OPN5: variants seen among roughly 807,000 people sequenced by gnomAD.
The protein encoded by OPN5 is opsin-5.
A neutral mutation model predicts 41.7 loss-of-function variants in OPN5; 18 were observed. The ratio of observed to expected loss-of-function variants is 0.43; its 90% CI spans 0.30 to 0.64. The LOEUF (loss-of-function observed/expected upper bound fraction) is 0.64. Ranked by LOEUF, OPN5 falls within the 30% of genes least tolerant of loss-of-function variation. The pLI, the probability that OPN5 is intolerant of heterozygous loss-of-function variation, is 0.13. For missense variants in OPN5, 318 were observed against 434.5 expected (o/e 0.73, Z 2.38); for synonymous variants, 178 against 164.3 (o/e 1.08, Z -0.64).
intron 6 of OPN5, among the ~76,000 whole-genome samples, chr6:47,819,282 C>A (rs1279908978): frequency 2.9e-5 from 4 of 139,248 alleles, no homozygotes; most frequent in Non-Finnish European, 6.1e-5. Flanking sequence ...TGGGTAGTGG[C>A]ATCAATGCCA....
intron 6 of OPN5, among the ~76,000 whole-genome samples, chr6:47,816,965 C>T (rs1762448031): frequency 1.3e-5 from 2 of 152,064 alleles, no homozygotes; most frequent in Admixed American, 6.6e-5. Flanking sequence ...CTCAATATGT[C>T]TGGTCACCAT....
chr6:47,782,154 T>G, exon 1 of OPN5: 1 of 1,613,820 alleles, frequency 6.2e-7, no homozygotes, highest in Non-Finnish European at 8.5e-7. Context: ...CAAACTTTCT[T>G]GGGAAGCGGA....
At chr6:47,819,257 A>G (rs1212192273) in intron 6 of OPN5, among the ~76,000 whole-genome samples, 1 of 148,280 alleles carries the variant, frequency 6.7e-6, no homozygotes, top group African/African-American at 2.5e-5. Context: ...TCACCCCAGG[A>G]CACCCTAAAT....
intron 4 of OPN5, among the ~76,000 whole-genome samples, chr6:47,800,799 T>A (rs1407974593): frequency 6.6e-6 from 1 of 152,238 alleles, no homozygotes; most frequent in Non-Finnish European, 1.5e-5. Flanking sequence ...CTGTTGTAGT[T>A]TTTCTTACTG....
At chr6:47,799,560 A>C (rs184448707) in intron 4 of OPN5, among the ~76,000 whole-genome samples, 1 of 152,192 alleles carries the variant, frequency 6.6e-6, no homozygotes, top group African/African-American at 2.4e-5. Context: ...TGTTGTTCCA[A>C]CTATAAGTCA....
rs1773212316 is a variant in OPN5 at position 47,786,961 on chromosome 6, C to G, written c.250+327C>G. On this transcript the variant is annotated intron_variant, in intron 2 of 6. Transcript: ENST00000371211. ...AGAAATCAGAAATCAGGAGGCAAAT[C>G]CCAGGTCAGTATTTTAAGCTTCTTT... 12 of 560,428 alleles carry G rather than the reference C, an allele frequency of 2.1e-5. No homozygotes were observed. The South Asian group carries it at 7.0e-4, about 33-fold the overall frequency. 34.7% of individuals were successfully genotyped at this position (560,428 alleles called of 1,614,324 possible).
In OPN5 at chr6:47,813,068, AAACAACAACAACAAC is replaced by A. The variant is rs70999651; in HGVS notation, c.1056+1370_1056+1384del. ...TGTTGGAAAACATGCTCTATGATTA[AAACAACAACAACAAC>A]AACAACAACAACAACAACAACAACA... On this transcript the variant is annotated intron_variant, in intron 6 of 6. Transcript: ENST00000371211. Among the ~76,000 whole-genome samples the A allele has an allele frequency of 1.2e-3, 163 of 139,168 alleles. 1 individual carries two copies. The East Asian group carries it at 0.014, about 12-fold the overall frequency. 91.3% of individuals were successfully genotyped at this position (139,168 alleles called of 152,430 possible). A position where few individuals can be genotyped will look rare whatever the true frequency, so the allele number is the denominator to read the frequency against.
chr6:47,814,751 T>C (rs1762378415), intron 6 of OPN5, among the ~76,000 whole-genome samples: 1 of 152,180 alleles, frequency 6.6e-6, no homozygotes, highest in African/African-American at 2.4e-5. Flanking sequence ...CATCTACAAA[T>C]TCAATTTTAG....
At chr6:47,795,962 T>C (rs1211603323) in intron 4 of OPN5, among the ~76,000 whole-genome samples, 1 of 152,232 alleles carries the variant, frequency 6.6e-6, no homozygotes, top group African/African-American at 2.4e-5. Flanking sequence ...CTGCGTTGCA[T>C]GGACTTTGGG....
Position 47,782,103 on chromosome 6 carries a change from C to T in OPN5, c.37C>T (p.Arg13Cys), listed in dbSNP as rs749418598. 5.0e-6 allele frequency: 8 copies of T among 1,613,320 alleles called. 1 individual carries two copies. The South Asian group carries it at 6.6e-5, about 13-fold the overall frequency. Residue 13 changes from arginine (R) to cysteine (C), a missense_variant, in exon 1 of 7, where the codon CGC (arginine) becomes TGC (cysteine). Physicochemically the swap from Arg to Cys is radical, Grantham distance 180. This residue lies in a region of OPN5 where 46 missense variants were observed against 44.0 expected (regional missense o/e 1.05). Transcript: ENST00000371211. ...TCACACTGCCCTGCCTCAGGACGAG[C>T]GCCTGCCCCATTACCTTCGAGATGG...
chr6:47,822,598 G>T (rs973949265), intron 6 of OPN5, among the ~76,000 whole-genome samples: 1 of 152,150 alleles, frequency 6.6e-6, no homozygotes, highest in Non-Finnish European at 1.5e-5. Flanking sequence ...TAGTTGGTTG[G>T]AATTTGTATT....
Position 47,793,338 on chromosome 6 carries a change from G to A in OPN5, c.421+1366G>A, listed in dbSNP as rs184413344. 3.4e-3 allele frequency among the ~76,000 whole-genome samples: 523 copies of A among 152,252 alleles called. 2 individuals are homozygous for A. Among genetic ancestry groups the A allele is most frequent in the Non-Finnish European group, 6.0e-3 (410 of 68,028 alleles). ...ATCATTGCAGGTCATAACTCCATAT[G>A]TGGGAACTGTGTATATTTTCCAGCT... is the stretch of plus-strand genomic sequence containing the variant. On this transcript the variant is annotated intron_variant, in intron 3 of 6. Coordinates refer to ENST00000371211, the Ensembl canonical transcript of OPN5.
chr6:47,819,362 ATTACCG>A (rs1561907316), intron 6 of OPN5, among the ~76,000 whole-genome samples: 90 of 36,972 alleles, frequency 2.4e-3, no homozygotes, highest in Non-Finnish European at 3.0e-3. Context: ...TAAAAAATAT[ATTACCG>A]TATAAGTAGA....
intron 6 of OPN5, among the ~76,000 whole-genome samples, chr6:47,821,513 C>G (rs74704621): frequency 0.055 from 8,312 of 152,216 alleles, 315 homozygotes; most frequent in East Asian, 0.11. Context: ...GGGCAAGAGA[C>G]GGAAAGGATT....
intron 2 of OPN5, among the ~76,000 whole-genome samples, chr6:47,791,492 A>T (rs1266191386): frequency 1.3e-5 from 2 of 152,354 alleles, no homozygotes; most frequent in East Asian, 3.9e-4. Flanking sequence ...CATGTCTGTA[A>T]TTCCTGAAGC....
At chr6:47,823,646 C>A in intron 6 of OPN5, 1 of 420,432 alleles carries the variant, frequency 2.4e-6, no homozygotes, top group Non-Finnish European at 4.3e-6. Context: ...CAAGGCCTTA[C>A]AGGTTAGTCT....
At chr6:47,823,192 C>G (rs1272871731) in intron 6 of OPN5, among the ~76,000 whole-genome samples, 4 of 152,132 alleles carry the variant, frequency 2.6e-5, no homozygotes, top group Non-Finnish European at 4.4e-5. Flanking sequence ...TATACTTAAA[C>G]AGAAAAGGCA....
At chr6:47,787,319 CTTCT>C (rs1279300233) in intron 2 of OPN5, 1 of 216,938 alleles carries the variant, frequency 4.6e-6, no homozygotes, top group African/African-American at 2.3e-5. Flanking sequence ...GAACCACTGG[CTTCT>C]TTTTCACTTC....
intron 6 of OPN5, among the ~76,000 whole-genome samples, chr6:47,813,346 T>G (rs922628184): frequency 2.0e-5 from 3 of 152,114 alleles, no homozygotes; most frequent in African/African-American, 7.2e-5. Context: ...ATAATAACAA[T>G]AGTATCACAG....
Sources: allele counts gnomAD v4.1 joint callset (sites outside exome capture counted in the v4.1 genomes callset), GRCh38; gene constraint gnomAD v4.1.1; regional missense constraint gnomAD v4.1.1; transcripts MANE v1.5; gene names NCBI Gene and HGNC (gene_info 2026-07-23, HGNC 2026-07-21).